The following ZDHHC21 variants were observed in gnomAD, a reference collection of about 807,000 sequenced individuals.
ZDHHC21 encodes the protein palmitoyltransferase ZDHHC21.
Under a neutral mutation model 34.6 loss-of-function variants are expected in ZDHHC21, and 15 were observed. The observed-to-expected ratio is 0.43, with a 90% CI of 0.29 to 0.67. ZDHHC21 has a LOEUF of 0.67. ZDHHC21 is among the 30% of genes least tolerant of loss of function. The probability of loss-of-function intolerance (pLI) is 0.14; values close to 1 mark genes in which losing one functional copy is unlikely to be tolerated. For missense variants in ZDHHC21, 344 were observed against 327.7 expected (o/e 1.05, Z -0.38); for synonymous variants, 142 against 101.8 (o/e 1.40, Z -2.38).
At chr9:14,670,743 T>C (rs1329911954) in intron 5 of ZDHHC21, among the ~76,000 whole-genome samples, 1 of 152,120 alleles carries the variant, frequency 6.6e-6, no homozygotes, top group Non-Finnish European at 1.5e-5. Flanking sequence ...CATATCTATA[T>C]GAACACATAC....
chr9:14,684,766 C>A lies in ZDHHC21; in HGVS notation c.-175-4604G>T, dbSNP rs1838009690. Among the ~76,000 whole-genome samples the A allele has an allele frequency of 2.0e-5, 3 of 152,146 alleles. No individual in the cohort carries two copies. In the South Asian group the frequency reaches 6.2e-4, roughly 32 times the overall value. On this transcript the variant is annotated intron_variant, in intron 2 of 9. Coordinates refer to ENST00000380916, the MANE Select transcript of ZDHHC21 (RefSeq NM_178566.6). The stretch of plus-strand genomic sequence containing the variant: ...CCAAGTCAATCCTAAGCAAAAAAAA[C>A]AAAGCTGGAGGCATCACGCTACCTG...
intron 1 of ZDHHC21, among the ~76,000 whole-genome samples, chr9:14,692,641 G>A (rs1166378355): frequency 3.5e-5 from 5 of 142,272 alleles, no homozygotes; most frequent in South Asian, 5.1e-4. Context: ...ACCTGTTACA[G>A]TGAACAGTAA....
rs1302552663 is a variant in ZDHHC21, at chr9:14,639,986, C to A, written c.531G>T (p.Leu177Phe). 1 of 1,601,716 alleles carries A rather than the reference C, an allele frequency of 6.2e-7. No individual in the cohort carries two copies. ...TAAAGGCTGCTAGTCTCATTATGGC[C>A]AATTCATGTCTAAAAACAAAGAGGT... Reference protein sequence around the residue: ...NLDLFVFRHELAIMRLAAFMG... With the variant: ...NLDLFVFRHEFAIMRLAAFMG... The change falls in exon 8 of 10, where the codon TTG (leucine) becomes TTT (phenylalanine). Residue 177 changes from leucine (L) to phenylalanine (F), a missense_variant. Coordinates refer to ENST00000380916, the MANE Select transcript of ZDHHC21 (RefSeq NM_178566.6).
intron 2 of ZDHHC21, among the ~76,000 whole-genome samples, chr9:14,682,183 C>T (rs184815519): frequency 2.7e-4 from 41 of 152,250 alleles, no homozygotes; most frequent in African/African-American, 9.4e-4. Context: ...CAAATTCACA[C>T]ATAACAATAT....
chr9:14,591,710 C>T, the ZDHHC21 span, among the ~76,000 whole-genome samples: 59 of 152,164 alleles, frequency 3.9e-4, no homozygotes, highest in African/African-American at 1.3e-3. Flanking sequence ...ATCATGAAAA[C>T]TACAAGAAAA....
chr9:14,664,438 G>T (rs1426466629), intron 5 of ZDHHC21, among the ~76,000 whole-genome samples: 6 of 150,944 alleles, frequency 4.0e-5, no homozygotes, highest in African/African-American at 1.5e-4. Flanking sequence ...GGGGAGGGGC[G>T]CCCGCCATTG....
intron 7 of ZDHHC21, among the ~76,000 whole-genome samples, chr9:14,651,042 TG>T (rs1181692265): frequency 6.6e-6 from 1 of 152,006 alleles, no homozygotes; most frequent in Non-Finnish European, 1.5e-5. Context: ...AAAGATTAGC[TG>T]TATAATCTCT....
chr9:14,594,416 T>C, the ZDHHC21 span, among the ~76,000 whole-genome samples: 15 of 152,316 alleles, frequency 9.8e-5, no homozygotes, highest in Non-Finnish European at 1.5e-4. Context: ...TTACGATCAA[T>C]TGATTATCAA....
At chr9:14,665,607 G>C (rs1007373823) in intron 5 of ZDHHC21, among the ~76,000 whole-genome samples, 1 of 145,158 alleles carries the variant, frequency 6.9e-6, no homozygotes, top group Non-Finnish European at 1.5e-5. Context: ...AGAAAGGTCG[G>C]GTTACCCTCA....
chr9:14,681,864 G>C (rs996835353), intron 2 of ZDHHC21, among the ~76,000 whole-genome samples: 2 of 152,044 alleles, frequency 1.3e-5, no homozygotes, highest in Non-Finnish European at 2.9e-5. Context: ...CTACAAGCCA[G>C]AAGAGAACGG....
chr9:14,647,761 T>A (rs1365726596), intron 7 of ZDHHC21, among the ~76,000 whole-genome samples: 7 of 152,148 alleles, frequency 4.6e-5, no homozygotes, highest in Admixed American at 6.6e-5. Flanking sequence ...TTATTACCTT[T>A]CGTCTTTCCA....
At chr9:14,625,992 C>T (rs184658738) in intron 8 of ZDHHC21, among the ~76,000 whole-genome samples, 3 of 151,930 alleles carry the variant, frequency 2.0e-5, no homozygotes, top group Non-Finnish European at 4.4e-5. Context: ...AGAGAGGAAG[C>T]CAGCAAGGAT....
At chr9:14,589,855 C>G in the ZDHHC21 span, 1 of 152,178 alleles carries the variant, frequency 6.6e-6, no homozygotes, top group Non-Finnish European at 1.5e-5. Context: ...CTTTTAAAGG[C>G]AAGTGCAAAA....
the ZDHHC21 span, among the ~76,000 whole-genome samples, chr9:14,601,540 T>G: frequency 6.6e-6 from 1 of 152,224 alleles, no homozygotes; most frequent in South Asian, 2.1e-4. Context: ...ACTTTTACAC[T>G]GCTGGTGGGA....
At chr9:14,672,980 T>C (rs1479228324) in intron 4 of ZDHHC21, 52 bp from the exon 5 acceptor site, 1 of 1,154,038 alleles carries the variant, frequency 8.7e-7, no homozygotes, top group African/African-American at 1.6e-5. Flanking sequence ...CAAAACATTT[T>C]ATCAACAATC....
At chr9:14,689,104 T>A (rs908275160) in intron 2 of ZDHHC21, among the ~76,000 whole-genome samples, 8 of 152,210 alleles carry the variant, frequency 5.3e-5, no homozygotes, top group African/African-American at 1.7e-4. Context: ...TCTACTTTTT[T>A]AAAGTCTGTG....
intron 2 of ZDHHC21, among the ~76,000 whole-genome samples, chr9:14,681,818 C>G (rs1837432201): frequency 6.6e-6 from 1 of 151,800 alleles, no homozygotes; most frequent in African/African-American, 2.4e-5. Context: ...CAGATCGAAG[C>G]CCATCAGACT....
chr9:14,648,193 A>G (rs1369170922), intron 7 of ZDHHC21, among the ~76,000 whole-genome samples: 1 of 152,074 alleles, frequency 6.6e-6, no homozygotes, highest in Non-Finnish European at 1.5e-5. Context: ...TTCAAACTAT[A>G]ATAGACCACT....
At chr9:14,607,210 GGC>G (rs1823040263), downstream of ZDHHC21, among the ~76,000 whole-genome samples, 1 of 152,054 alleles carries the variant, frequency 6.6e-6, no homozygotes, top group Non-Finnish European at 1.5e-5. Flanking sequence ...CAGTTTGTGA[GGC>G]CAAGGCGGGC....
Sources: allele counts gnomAD v4.1 joint callset (sites outside exome capture counted in the v4.1 genomes callset), GRCh38; gene constraint gnomAD v4.1.1; transcripts MANE v1.5; gene names NCBI Gene and HGNC (gene_info 2026-07-23, HGNC 2026-07-21).